The following TONSL variants were observed in gnomAD, a reference collection of about 807,000 sequenced individuals.
TONSL encodes the protein tonsoku-like protein.
Under a neutral mutation model 147.1 loss-of-function variants are expected in TONSL, and 112 were observed. That is an observed-to-expected ratio of 0.76 (90% CI 0.65 to 0.89). The LOEUF (loss-of-function observed/expected upper bound fraction) is 0.89. Among genes scored for constraint, TONSL ranks in the 40% least tolerant of loss-of-function variants. The pLI is 0.00. For synonymous variants in TONSL, 868 were observed against 801.5 expected, an observed-to-expected ratio of 1.08 and a Z score of -1.40; for missense variants, 1,883 against 1,864.6, an observed-to-expected ratio of 1.01 and a Z score of -0.18.
rs186371137 is a variant in TONSL, at chr8:144,442,972, C to T, written c.448+166G>A. The T allele has an allele frequency of 3.3e-5, 41 of 1,226,528 alleles. No individual in the cohort carries two copies. In the East Asian group the frequency reaches 4.3e-4, roughly 13 times the overall value. 76.0% of individuals were successfully genotyped at this position (1,226,528 alleles called of 1,614,324 possible). The stretch of plus-strand genomic sequence containing the variant: ...GAGCACAGAGTGGATAAAGAGCTGA[C>T]GATCTCCAGGGGAAAGGTTGAGCGG... On this transcript the variant is annotated intron_variant, in intron 4 of 25. Transcript: ENST00000409379.
chr8:144,430,289 A>C (rs1392915862), intron 25 of TONSL, 115 bp downstream of exon 25: 6 of 1,294,748 alleles, frequency 4.6e-6, no homozygotes, highest in Admixed American at 3.1e-5. Context: ...CATGGAGCCC[A>C]GCCTTGCTGC....
intron 2 of TONSL, 61 bp downstream of exon 2, chr8:144,444,119 C>T: frequency 7.7e-7 from 1 of 1,304,058 alleles, no homozygotes; most frequent in Non-Finnish European, 9.7e-7. Context: ...CCCCCGGCCC[C>T]CGATCCCGGC....
chr8:144,443,182 G>A lies in TONSL; in HGVS notation c.404C>T (p.Ala135Val). The A allele has an allele frequency of 2.6e-6, 4 of 1,550,806 alleles. No individual in the cohort carries two copies. The highest frequency in any genetic ancestry group is 3.5e-6 in the Non-Finnish European group (4 of 1,146,990). The change falls in exon 4 of 26, where the codon GCT (alanine) becomes GTT (valine). Residue 135 changes from alanine (A) to valine (V), a missense_variant. Ala to Val is a moderately conservative substitution (Grantham distance 64, BLOSUM62 0). Transcript: ENST00000409379. ...AATAGCCAAGCTCTTCTCAAAGGCA[G>A]CCTGTGCCTGCAGCAAAGCATCCCT... ...QSRDALLQAQ[A>V]AFEKSLAIVD...
Position 144,429,080 on chromosome 8 carries a change from C to G in TONSL, c.*63G>C, listed in dbSNP as rs1823045596. The G allele has an allele frequency of 6.9e-7, 1 of 1,450,300 alleles. No homozygotes were observed. The allele number at this position is 1,450,300 out of a possible 1,614,324, so 89.8% of individuals were successfully genotyped here. A position where few individuals can be genotyped will look rare whatever the true frequency, so the allele number is the denominator to read the frequency against. Reference sequence around the variant, plus strand: ...TTGGGATTACAGGCGTGAGCCACCGCGCCCGGCCAGCAGCTTCATTTATTA... The same window carrying G: ...TTGGGATTACAGGCGTGAGCCACCGGGCCCGGCCAGCAGCTTCATTTATTA... On this transcript the variant is annotated 3_prime_UTR_variant, in exon 26 of 26. Transcript: ENST00000409379.
intron 23 of TONSL, 78 bp from the exon 24 acceptor site, chr8:144,431,229 A>G: frequency 1.4e-6 from 2 of 1,429,800 alleles, no homozygotes; most frequent in Non-Finnish European, 2.0e-6. Flanking sequence ...GGTGCACCAC[A>G]CCCAGGGGCC....
At chr8:144,429,981 G>A (rs532663859) in intron 25 of TONSL, among the ~76,000 whole-genome samples, 1 of 152,338 alleles carries the variant, frequency 6.6e-6, no homozygotes, top group African/African-American at 2.4e-5. Flanking sequence ...TGTGGCTCAA[G>A]AGAGAACAAG....
At chr8:144,443,746 CG>C in intron 3 of TONSL, 135 bp downstream of exon 3, 2 of 1,239,354 alleles carry the variant, frequency 1.6e-6, no homozygotes, top group Non-Finnish European at 2.2e-6. Context: ...TGGCCCGGGG[CG>C]GTGAAGGCAA....
intron 20 of TONSL, 60 bp downstream of exon 20, chr8:144,434,751 C>T: frequency 2.6e-6 from 4 of 1,562,458 alleles, no homozygotes; most frequent in Non-Finnish European, 3.5e-6. Flanking sequence ...CTGGTGGAGC[C>T]TGTGTGCCCA....
rs909525576 is a variant in TONSL at position 144,430,620 on chromosome 8, C to G, written c.3810-83G>C. On this transcript the variant is annotated intron_variant, in intron 24 of 25. Transcript: ENST00000409379. ...ACTAGGAAAGCTGCCCAGACAAATGCCAGCTCAGGGAGCCTCGGGCCAGAC... is the reference window on the plus strand; with the variant it reads ...ACTAGGAAAGCTGCCCAGACAAATGGCAGCTCAGGGAGCCTCGGGCCAGAC... The G allele has an allele frequency of 1.6e-5, 24 of 1,489,800 alleles. No homozygotes were observed. In the African/African-American group the frequency reaches 3.4e-4, roughly 21 times the overall value. The allele number at this position is 1,489,800 out of a possible 1,614,324, so 92.3% of individuals were successfully genotyped here.
chr8:144,444,302 C>T, intron 1 of TONSL, 27 bp from the exon 2 acceptor site: 1 of 1,363,206 alleles, frequency 7.3e-7, no homozygotes, highest in Non-Finnish European at 9.5e-7. Context: ...AGGGCTGGGC[C>T]TCCGCGGCGG....
chr8:144,433,845 C>A, intron 21 of TONSL, 86 bp from the exon 22 acceptor site: 1 of 1,479,230 alleles, frequency 6.8e-7, no homozygotes, highest in Admixed American at 2.5e-5. Context: ...GTCTCTTCCC[C>A]ACCTTGCCTG....
chr8:144,429,867 C>T (rs1481940501), intron 25 of TONSL, among the ~76,000 whole-genome samples: 1 of 152,304 alleles, frequency 6.6e-6, no homozygotes, highest in Middle Eastern at 3.4e-3. Context: ...AAGCCCTCAT[C>T]CCCTGGAGGG....
In TONSL at chr8:144,433,450, A is replaced by G. The variant is rs1028023327; in HGVS notation, c.3559+138T>C. 3.0e-5 allele frequency: 25 copies of G among 820,956 alleles called. No individual in the cohort carries two copies. In the South Asian group the frequency reaches 4.0e-4, roughly 13 times the overall value. 50.9% of individuals were successfully genotyped at this position (820,956 alleles called of 1,614,324 possible). ...TCCTGGAACTCTTGGCTCAAGCGAT[A>G]CTCCCGCCTCAGCCTCTCAAGTAGC... On this transcript the variant is annotated intron_variant, in intron 22 of 25. Transcript: ENST00000409379.
chr8:144,429,408 A>G lies in TONSL; in HGVS notation c.3944-72T>C. On this transcript the variant is annotated intron_variant, in intron 25 of 25. Coordinates refer to ENST00000409379, the MANE Select transcript of TONSL (RefSeq NM_013432.5). Reference sequence around the variant, plus strand: ...CGTCCTGGTGCCCGCGGCAGGCTCCAGGGAACAAACTCGCTTTCGCTGAGG... The same window carrying G: ...CGTCCTGGTGCCCGCGGCAGGCTCCGGGGAACAAACTCGCTTTCGCTGAGG... The G allele has an allele frequency of 3.0e-6, 4 of 1,332,932 alleles. 1 individual carries two copies. The Middle Eastern group carries it at 8.3e-4, about 278-fold the overall frequency. The allele number at this position is 1,332,932 out of a possible 1,614,324, so 82.6% of individuals were successfully genotyped here.
chr8:144,442,996 G>A (rs1823777640), intron 4 of TONSL, 142 bp downstream of exon 4: 27 of 1,231,404 alleles, frequency 2.2e-5, no homozygotes, highest in African/African-American at 3.0e-5. Flanking sequence ...AAGGTTGAGC[G>A]GGGCATGCAC....
At chr8:144,433,824 T>G (rs930454052) in intron 21 of TONSL, 65 bp from the exon 22 acceptor site, 48 of 1,499,302 alleles carry the variant, frequency 3.2e-5, no homozygotes, top group Non-Finnish European at 4.2e-5. Context: ...CCCTTGGGGC[T>G]TGGCTTGGCA....
At position 144,438,509 on chromosome 8, in the gene TONSL, C is replaced by G. The variant is rs370196996; in HGVS notation, c.1615G>C (p.Glu539Gln). The G allele has an allele frequency of 1.2e-6, 2 of 1,613,024 alleles. No individual in the cohort carries two copies. The highest frequency in any genetic ancestry group is 1.7e-6 in the Non-Finnish European group (2 of 1,179,956). The change falls in exon 13 of 26, where the codon GAG becomes CAG. Residue 539 changes from glutamate to glutamine, a missense_variant. By Grantham distance (29) the Glu-to-Gln change is conservative. Transcript: ENST00000409379. ...TCCTGGACGCGGCGCAGCTGGCCCT[C>G]GATGCAGGCTCGGTGCAGCAGGGTC... Reference protein sequence around the residue: ...GETLLHRACIEGQLRRVQDLV... With the variant: ...GETLLHRACIQGQLRRVQDLV...
Position 144,434,254 on chromosome 8 carries a change from G to C in TONSL, c.3111C>G (p.Ala1037=), listed in dbSNP as rs142494135. ...GQGEHQQVLQ[A]VELQGLGLSF... is the part of the protein sequence containing the mutation. Reference sequence around the variant, plus strand: ...AGAGGCCCAAGCCCTGGAGCTCCACGGCCTGCAGCACCTGTTGGTGCTCCC... The same window carrying C: ...AGAGGCCCAAGCCCTGGAGCTCCACCGCCTGCAGCACCTGTTGGTGCTCCC... Residue 1037 remains alanine (A), a synonymous_variant, in exon 21 of 26, where the codon GCC becomes GCG. Transcript: ENST00000409379. 3.9e-6 allele frequency: 6 copies of C among 1,521,352 alleles called. No homozygotes were observed. In the Admixed American group the frequency reaches 1.0e-4, roughly 26 times the overall value. The allele number at this position is 1,521,352 out of a possible 1,614,324, so 94.2% of individuals were successfully genotyped here.
rs1554879807 is a variant in TONSL at position 144,436,040 on chromosome 8, C to T, written c.2393G>A (p.Gly798Asp). ...CAGCCGGCTCTGAGCACTGCCCACA[C>T]CCCGGATGGCTGCCTGGTAGGCTGC... ...SRAAYQAAIRGVGSAQSRLGP... is the reference protein window; with the variant it reads ...SRAAYQAAIRDVGSAQSRLGP... The change falls in exon 17 of 26, where the codon GGT (glycine) becomes GAT (aspartate). Residue 798 changes from glycine to aspartate, a missense_variant. Gly to Asp is a moderately conservative substitution (Grantham distance 94). Coordinates refer to ENST00000409379, the MANE Select transcript of TONSL (RefSeq NM_013432.5). The T allele has an allele frequency of 9.5e-6, 15 of 1,573,312 alleles. No individual in the cohort carries two copies. The highest frequency in any genetic ancestry group is 1.3e-5 in the Non-Finnish European group (15 of 1,166,170).
Sources: allele counts gnomAD v4.1 joint callset (sites outside exome capture counted in the v4.1 genomes callset), GRCh38; gene constraint gnomAD v4.1.1; transcripts MANE v1.5; gene names NCBI Gene and HGNC (gene_info 2026-07-23, HGNC 2026-07-21).